The following GGPS1 variants were observed in gnomAD, a reference collection of about 807,000 sequenced individuals.
GGPS1 encodes geranylgeranyl pyrophosphate synthase.
A neutral mutation model predicts 28.1 loss-of-function variants in GGPS1; 15 were observed. That is an observed-to-expected ratio of 0.53 (90% CI 0.36 to 0.82). The LOEUF (loss-of-function observed/expected upper bound fraction) is 0.82, where lower values mean the gene tolerates loss of function less well. GGPS1 is among the 40% of genes least tolerant of loss of function. The pLI is 0.01. For synonymous variants in GGPS1, 138 were observed against 122.4 expected (o/e 1.13, Z -0.84); for missense variants, 284 against 348.3 (o/e 0.82, Z 1.47).
chr1:235,338,648 T>A (rs1248040767), intron 2 of GGPS1, among the ~76,000 whole-genome samples: 4 of 151,616 alleles, frequency 2.6e-5, no homozygotes, highest in Non-Finnish European at 5.9e-5. Flanking sequence ...GTGGGACAGA[T>A]TGCTTTTGAG....
intron 2 of GGPS1, among the ~76,000 whole-genome samples, chr1:235,338,577 T>C (rs1222862208): frequency 1.3e-5 from 2 of 152,110 alleles, no homozygotes; most frequent in Non-Finnish European, 2.9e-5. Flanking sequence ...AAAAAATGTG[T>C]TTAAGTGATA....
intron 2 of GGPS1, among the ~76,000 whole-genome samples, chr1:235,339,747 C>T (rs572751726): frequency 3.5e-5 from 5 of 142,668 alleles, no homozygotes; most frequent in South Asian, 2.4e-4. Flanking sequence ...GTGACAAGAG[C>T]GAAATTCCAT....
chr1:235,340,073 A>T (rs529616743), intron 2 of GGPS1, among the ~76,000 whole-genome samples: 5 of 151,474 alleles, frequency 3.3e-5, no homozygotes, highest in African/African-American at 9.7e-5. Context: ...CGGAGGTTGC[A>T]AGTGAGCCGA....
In GGPS1 at chr1:235,342,066, T is replaced by C. The variant is rs1676062526; in HGVS notation, c.197T>C (p.Ile66Thr). ...AATGCCAGTTTACTCATCGATGATA[T>C]TGAAGACAACTCAAAACTCCGACGT... ...LHNASLLIDD[I>T]EDNSKLRRGF... Residue 66 changes from isoleucine to threonine, a missense_variant, in exon 4 of 4, where the codon ATT (isoleucine) becomes ACT (threonine). Ile to Thr is a moderately conservative substitution (Grantham distance 89). Transcript: ENST00000282841. 1.9e-5 allele frequency: 30 copies of C among 1,609,754 alleles called. No homozygotes were observed. The highest frequency in any genetic ancestry group is 2.5e-5 in the Non-Finnish European group (30 of 1,176,680).
intron 2 of GGPS1, among the ~76,000 whole-genome samples, chr1:235,335,830 G>T (rs1459329810): frequency 6.6e-6 from 1 of 152,136 alleles, no homozygotes; most frequent in Admixed American, 6.5e-5. Context: ...AGATATTAGG[G>T]GAAGTTACGC....
chr1:235,341,632 G>A (rs1676047908), intron 2 of GGPS1, 76 bp from the exon 3 acceptor site: 3 of 852,518 alleles, frequency 3.5e-6, no homozygotes, highest in East Asian at 4.9e-5. Flanking sequence ...GGAAGTTTCT[G>A]AATGTGTTTT....
intron 2 of GGPS1, among the ~76,000 whole-genome samples, chr1:235,337,354 C>T (rs973915209): frequency 6.6e-6 from 1 of 152,028 alleles, no homozygotes; most frequent in Non-Finnish European, 1.5e-5. Flanking sequence ...ATTCTCATTA[C>T]TTGGAAATAA....
chr1:235,340,351 T>C (rs1675997638), intron 2 of GGPS1, among the ~76,000 whole-genome samples: 1 of 151,694 alleles, frequency 6.6e-6, no homozygotes, highest in Non-Finnish European at 1.5e-5. Context: ...GCACCTATAG[T>C]GCCAGCTACT....
chr1:235,343,005 A>G lies in GGPS1; in HGVS notation c.*233A>G, dbSNP rs1676099610. On this transcript the variant is annotated 3_prime_UTR_variant, in exon 4 of 4. Transcript: ENST00000282841. ...GTTATGTAGGTCTGATTTGAATGTC[A>G]TAATTGCAGTGACAGGACATTGCCA... 5.7e-6 allele frequency: 2 copies of G among 351,554 alleles called. No homozygotes were observed. Among genetic ancestry groups the G allele is most frequent in the Admixed American group, 4.4e-5 (1 of 22,626 alleles). 21.8% of individuals were successfully genotyped at this position (351,554 alleles called of 1,614,324 possible).
intron 2 of GGPS1, among the ~76,000 whole-genome samples, chr1:235,339,761 CAA>C (rs34043751): frequency 6.9e-5 from 9 of 130,556 alleles, no homozygotes; most frequent in Admixed American, 1.5e-4. Context: ...ATTCCATCTC[CAA>C]AAAAAAAAAA....
intron 2 of GGPS1, among the ~76,000 whole-genome samples, chr1:235,340,504 A>G (rs1475081248): frequency 6.6e-6 from 1 of 151,372 alleles, no homozygotes; most frequent in Non-Finnish European, 1.5e-5. Flanking sequence ...TGGGAGGCCG[A>G]GGCGGGCGGA....
At chr1:235,341,630 C>A in intron 2 of GGPS1, 78 bp from the exon 3 acceptor site, 1 of 844,952 alleles carries the variant, frequency 1.2e-6, no homozygotes, top group Non-Finnish European at 2.1e-6. Context: ...AAGGAAGTTT[C>A]TGAATGTGTT....
In GGPS1 at chr1:235,335,260, A is replaced by G; in HGVS notation, c.-5A>G. On this transcript the variant is annotated 5_prime_UTR_variant, in exon 2 of 4. Coordinates refer to ENST00000282841, the MANE Select transcript of GGPS1 (RefSeq NM_004837.4). ...TTGACAGATTAGCTTTGAAGTTTAA[A>G]TCCAATGGAGAAGACTCAAGAAACA... is the stretch of plus-strand genomic sequence containing the variant. 4 of 1,462,336 alleles carry G rather than the reference A, an allele frequency of 2.7e-6. No individual in the cohort carries two copies. The highest frequency in any genetic ancestry group is 1.2e-5 in the South Asian group (1 of 85,764). The allele number at this position is 1,462,336 out of a possible 1,614,324, so 90.6% of individuals were successfully genotyped here. A position where few individuals can be genotyped will look rare whatever the true frequency, so the allele number is the denominator to read the frequency against.
intron 3 of GGPS1, 60 bp from the exon 4 acceptor site, chr1:235,341,947 TGTTA>T: frequency 9.5e-7 from 1 of 1,053,838 alleles, no homozygotes; most frequent in East Asian, 2.5e-5. Context: ...TTTCATAATC[TGTTA>T]ATTAAACTGA....
Position 235,328,607 on chromosome 1 carries a change from A to G in GGPS1, c.-195A>G, listed in dbSNP as rs997008620. 1 of 153,050 alleles carries G rather than the reference A, an allele frequency of 6.5e-6. No homozygotes were observed. The highest frequency in any genetic ancestry group is 1.5e-5 in the Non-Finnish European group (1 of 68,362). The allele number at this position is 153,050 out of a possible 1,614,324, so 9.5% of individuals were successfully genotyped here. On this transcript the variant is annotated 5_prime_UTR_variant, in exon 1 of 4. It removes an upstream start codon present in the reference 5' UTR. Transcript: ENST00000282841. ...ATGGCGCATTTTCTTGCACCAACTA[A>G]TGCGGTGTCGCTGGCGGCTGAGGAG...
At chr1:235,340,061 G>T (rs116161971) in intron 2 of GGPS1, among the ~76,000 whole-genome samples, 1 of 152,068 alleles carries the variant, frequency 6.6e-6, no homozygotes, top group Non-Finnish European at 1.5e-5. Context: ...GATCTTGGGA[G>T]GCGGAGGTTG....
chr1:235,336,386 A>G (rs375638803), intron 2 of GGPS1, among the ~76,000 whole-genome samples: 1 of 113,388 alleles, frequency 8.8e-6, no homozygotes, highest in South Asian at 3.3e-4. Flanking sequence ...TGAGACTCCG[A>G]CTCAAAAAAA....
In GGPS1 at chr1:235,343,621, C is replaced by G. The variant is rs1676123515; in HGVS notation, c.*849C>G. The G allele has an allele frequency of 6.0e-6, 1 of 166,912 alleles. No homozygotes were observed. The highest frequency in any genetic ancestry group is 2.4e-5 in the African/African-American group (1 of 41,404). 10.3% of individuals were successfully genotyped at this position (166,912 alleles called of 1,614,324 possible). On this transcript the variant is annotated 3_prime_UTR_variant, in exon 4 of 4. Coordinates refer to ENST00000282841, the MANE Select transcript of GGPS1 (RefSeq NM_004837.4). ...TTTCTTAGGTTTTCCTTTTTTCCTT[C>G]CTCTCCACCCCACAAGTTTTGCTTT... is the stretch of plus-strand genomic sequence containing the variant.
At chr1:235,340,128 G>A (rs968522158) in intron 2 of GGPS1, among the ~76,000 whole-genome samples, 2 of 152,078 alleles carry the variant, frequency 1.3e-5, no homozygotes, top group African/African-American at 2.4e-5. Context: ...ATGAGACTCC[G>A]TCTCAAAAAC....
Sources: allele counts gnomAD v4.1 joint callset (sites outside exome capture counted in the v4.1 genomes callset), GRCh38; gene constraint gnomAD v4.1.1; transcripts MANE v1.5; gene names NCBI Gene and HGNC (gene_info 2026-07-23, HGNC 2026-07-21).